MCC: variants seen among roughly 807,000 people sequenced by gnomAD.
MCC encodes the protein colorectal mutant cancer protein.
Under a neutral mutation model 116.2 loss-of-function variants are expected in MCC, and 90 were observed. The observed-to-expected ratio is 0.77, with a 90% CI of 0.65 to 0.92. The LOEUF (loss-of-function observed/expected upper bound fraction) is 0.92, where lower values mean the gene tolerates loss of function less well. MCC is among the 40% of genes least tolerant of loss of function. MCC has a pLI of 0.00. For missense variants in MCC, 1,516 were observed against 1,312.2 expected, an observed-to-expected ratio of 1.16 and a Z score of -2.40; for synonymous variants, 578 against 510.5, an observed-to-expected ratio of 1.13 and a Z score of -1.78.
chr5:113,043,772 G>A, intron 16 of MCC, 142 bp from the exon 17 acceptor site: 2 of 609,904 alleles, frequency 3.3e-6, no homozygotes, highest in Non-Finnish European at 5.8e-6. Context: ...CATGCCAAAG[G>A]GGAAAGCCTG....
At chr5:113,330,450 C>G (rs1767672010) in intron 3 of MCC, among the ~76,000 whole-genome samples, 1 of 152,124 alleles carries the variant, frequency 6.6e-6, no homozygotes, top group Non-Finnish European at 1.5e-5. Context: ...CCTTACTACC[C>G]CAAAGTAGGA....
intron 2 of MCC, among the ~76,000 whole-genome samples, chr5:113,381,447 A>G (rs550242887): frequency 9.0e-4 from 137 of 152,244 alleles, no homozygotes; most frequent in African/African-American, 3.2e-3. Flanking sequence ...GGGCAGGGAT[A>G]TATATAATTA....
chr5:113,296,266 TGAA>T (rs1252608224), intron 3 of MCC, among the ~76,000 whole-genome samples: 3 of 152,182 alleles, frequency 2.0e-5, no homozygotes, highest in Admixed American at 2.0e-4. Flanking sequence ...TACATAACTA[TGAA>T]GAAGATTCAA....
At chr5:113,132,915 G>A (rs1314743417) in intron 5 of MCC, among the ~76,000 whole-genome samples, 1 of 152,116 alleles carries the variant, frequency 6.6e-6, no homozygotes, top group African/African-American at 2.4e-5. Context: ...GGCAGTCAAT[G>A]GAATCATTTT....
rs572750162 is a variant in MCC at position 113,455,325 on chromosome 5, C to A, written c.170+32920G>T. The stretch of plus-strand genomic sequence containing the variant: ...TTCTCATCTTCATGTCTGTCCCTTA[C>A]TAGAGTAGGGCTCCCTGAAGACAAG... On this transcript the variant is annotated intron_variant, in intron 1 of 18. Transcript: ENST00000408903. Among the ~76,000 whole-genome samples, 3 of 152,308 alleles carry A rather than the reference C, an allele frequency of 2.0e-5. No homozygotes were observed. In the East Asian group the frequency reaches 5.8e-4, roughly 29 times the overall value.
chr5:113,366,253 T>A (rs543159802), intron 2 of MCC, among the ~76,000 whole-genome samples: 1 of 152,278 alleles, frequency 6.6e-6, no homozygotes, highest in South Asian at 2.1e-4. Flanking sequence ...TAGCTTAGAT[T>A]TTCTTTCTGG....
In MCC at chr5:113,071,196, G is replaced by C. The variant is rs1343202548; in HGVS notation, c.1823C>G (p.Thr608Ser). 1 of 1,614,098 alleles carries C rather than the reference G, an allele frequency of 6.2e-7. No homozygotes were observed. Among genetic ancestry groups the C allele is most frequent in the South Asian group, 1.1e-5 (1 of 91,068 alleles). The change falls in exon 12 of 19, where the codon ACC becomes AGC. Residue 608 changes from threonine to serine, a missense_variant. Thr to Ser is a moderately conservative substitution (Grantham distance 58, BLOSUM62 1). Coordinates refer to ENST00000408903, the MANE Select transcript of MCC (RefSeq NM_001085377.2). Reference protein sequence around the residue: ...EHLKSQNDLLTITLEECKSNA... With the variant: ...EHLKSQNDLLSITLEECKSNA... Reference sequence around the variant, plus strand: ...GCTTTTACATTCCTCCAAGGTTATGGTCAGGAGGTCATTTTGGGATTTGAG... The same window carrying C: ...GCTTTTACATTCCTCCAAGGTTATGCTCAGGAGGTCATTTTGGGATTTGAG...
intron 7 of MCC, among the ~76,000 whole-genome samples, chr5:113,103,206 G>C (rs906214000): frequency 2.6e-5 from 4 of 152,174 alleles, no homozygotes; most frequent in Non-Finnish European, 5.9e-5. Flanking sequence ...ATCACTCTTG[G>C]ATGCTCATGT....
At chr5:113,425,975 G>A (rs1028433801) in intron 1 of MCC, among the ~76,000 whole-genome samples, 47 of 152,188 alleles carry the variant, frequency 3.1e-4, no homozygotes, top group African/African-American at 1.1e-3. Flanking sequence ...GCAGCCGAGG[G>A]CGGAACCCAG....
At chr5:113,199,205 G>C (rs1336115083) in intron 3 of MCC, among the ~76,000 whole-genome samples, 2 of 151,656 alleles carry the variant, frequency 1.3e-5, no homozygotes, top group Non-Finnish European at 2.9e-5. Flanking sequence ...GAAATCAATA[G>C]AAGAGCATCC....
At chr5:113,408,476 C>T (rs1455532536) in intron 1 of MCC, among the ~76,000 whole-genome samples, 1 of 152,136 alleles carries the variant, frequency 6.6e-6, no homozygotes, top group East Asian at 1.9e-4. Flanking sequence ...CTTTTCAGCC[C>T]AATCTTTACC....
chr5:113,211,511 T>C (rs542055813), intron 3 of MCC, among the ~76,000 whole-genome samples: 2 of 152,330 alleles, frequency 1.3e-5, no homozygotes, highest in Admixed American at 1.3e-4. Context: ...AACAATCTTC[T>C]ACATAGCCAC....
At chr5:113,304,406 C>A (rs758314456) in intron 3 of MCC, among the ~76,000 whole-genome samples, 5 of 152,206 alleles carry the variant, frequency 3.3e-5, no homozygotes, top group Non-Finnish European at 2.9e-5. Context: ...AAAGAAAGCA[C>A]CCCCGTGGTG....
intron 1 of MCC, among the ~76,000 whole-genome samples, chr5:113,449,929 G>A (rs1771338359): frequency 6.6e-6 from 1 of 152,152 alleles, no homozygotes; most frequent in Admixed American, 6.5e-5. Flanking sequence ...TGCATTTGGA[G>A]TATGATTTTT....
In MCC at chr5:113,064,016, G is replaced by A. The variant is rs778845526; in HGVS notation, c.2181C>T (p.Pro727=). The part of the protein sequence containing the change: ...AFAVAGCSVQ[P]WESLSSNSHT... ...GGCTGTTGGAGGAAAGGCTCTCCCA[G>A]GGCTGCACGCTGCAGCCGGCCACGG... Residue 727 remains proline (P), a synonymous_variant, in exon 14 of 19, where the codon CCC becomes CCT. Coordinates refer to ENST00000408903, the MANE Select transcript of MCC (RefSeq NM_001085377.2). The A allele has an allele frequency of 6.8e-6, 11 of 1,613,674 alleles. No homozygotes were observed. The South Asian group carries it at 1.1e-4, about 16-fold the overall frequency.
intron 5 of MCC, among the ~76,000 whole-genome samples, chr5:113,129,747 C>A (rs1041952868): frequency 6.6e-6 from 1 of 152,244 alleles, no homozygotes; most frequent in Admixed American, 6.5e-5. Context: ...CTCATCATCA[C>A]TGGTCATTAA....
intron 3 of MCC, among the ~76,000 whole-genome samples, chr5:113,210,314 T>C (rs1263290522): frequency 6.6e-6 from 1 of 152,212 alleles, no homozygotes; most frequent in African/African-American, 2.4e-5. Flanking sequence ...TAAATATTTA[T>C]TCTGTGTTAA....
At chr5:113,375,899 A>G (rs1213674978) in intron 2 of MCC, among the ~76,000 whole-genome samples, 1 of 152,180 alleles carries the variant, frequency 6.6e-6, no homozygotes, top group East Asian at 1.9e-4. Context: ...TTGATGGGAA[A>G]AGCTGCAAAA....
chr5:113,041,401 T>TA (rs1409669166), intron 17 of MCC, among the ~76,000 whole-genome samples: 2 of 152,072 alleles, frequency 1.3e-5, no homozygotes, highest in African/African-American at 4.8e-5. Flanking sequence ...TGCTCAATCA[T>TA]AAAAAATGAA....
Sources: allele counts gnomAD v4.1 joint callset (sites outside exome capture counted in the v4.1 genomes callset), GRCh38; gene constraint gnomAD v4.1.1; transcripts MANE v1.5; gene names NCBI Gene and HGNC (gene_info 2026-07-23, HGNC 2026-07-21).